The following WNK1 variants were observed in gnomAD, a reference collection of about 807,000 sequenced individuals.
WNK1 encodes WNK lysine deficient protein kinase 1, also known as serine/threonine-protein kinase WNK1.
Under a neutral mutation model 222.8 loss-of-function variants are expected in WNK1, and 38 were observed. The observed-to-expected ratio is 0.17, with a 90% CI of 0.13 to 0.22. The LOEUF is 0.22. Among genes scored for constraint, WNK1 ranks in the 10% least tolerant of loss-of-function variants. The pLI is 1.00. For synonymous variants in WNK1, 1,090 were observed against 1,092.9 expected (o/e 1.00, Z 0.05); for missense variants, 2,348 against 2,918.4 (o/e 0.80, Z 4.50).
At chr12:790,296 G>T (rs1944712390) in intron 1 of WNK1, among the ~76,000 whole-genome samples, 1 of 152,074 alleles carries the variant, frequency 6.6e-6, no homozygotes, top group South Asian at 2.1e-4. Flanking sequence ...TAGGGATGGG[G>T]TCTTGCTATG....
rs13313205 is a variant in WNK1, at chr12:901,139, G to A, written c.6643+469G>A. Reference sequence around the variant, plus strand: ...TTTCCAAATATAGCTCTGTTTATTAGTGATTGCTGAAAAAATTCCCACAGA... The same window carrying A: ...TTTCCAAATATAGCTCTGTTTATTAATGATTGCTGAAAAAATTCCCACAGA... On this transcript the variant is annotated intron_variant, in intron 26 of 27. Coordinates refer to ENST00000315939, the MANE Select transcript of WNK1 (RefSeq NM_018979.4). The A allele has an allele frequency of 5.2e-3, 1,277 of 247,038 alleles. 14 individuals are homozygous for A. The highest frequency in any genetic ancestry group is 0.027 in the African/African-American group (1,203 of 44,408). 15.3% of individuals were successfully genotyped at this position (247,038 alleles called of 1,614,324 possible). A position where few individuals can be genotyped will look rare whatever the true frequency, so the allele number is the denominator to read the frequency against.
At chr12:832,114 C>T (rs191527772) in intron 4 of WNK1, among the ~76,000 whole-genome samples, 25 of 152,222 alleles carry the variant, frequency 1.6e-4, no homozygotes, top group Admixed American at 9.8e-4. Flanking sequence ...CTCGCTCTGT[C>T]GCCCAGGCTG....
chr12:844,207 C>T (rs1949847410), intron 4 of WNK1, among the ~76,000 whole-genome samples: 1 of 151,976 alleles, frequency 6.6e-6, no homozygotes, highest in African/African-American at 2.4e-5. Flanking sequence ...TCTTGGCTCC[C>T]TGCAACCTAC....
chr12:756,835 C>G (rs911507728), intron 1 of WNK1, among the ~76,000 whole-genome samples: 5 of 152,132 alleles, frequency 3.3e-5, no homozygotes. Context: ...ATTTCTGAAG[C>G]AAGACAGGAG....
At chr12:797,245 AT>A (rs1421593974) in intron 1 of WNK1, among the ~76,000 whole-genome samples, 1 of 152,024 alleles carries the variant, frequency 6.6e-6, no homozygotes, top group Non-Finnish European at 1.5e-5. Context: ...TCTTACTGTG[AT>A]TACTGTGTTC....
intron 1 of WNK1, among the ~76,000 whole-genome samples, chr12:776,426 G>GTA (rs1943103486): frequency 6.6e-6 from 1 of 151,264 alleles, no homozygotes; most frequent in Non-Finnish European, 1.5e-5. Context: ...GTGTGTGTGT[G>GTA]TGTGTGTGTG....
chr12:760,525 A>G (rs919684115), intron 1 of WNK1, among the ~76,000 whole-genome samples: 1 of 147,818 alleles, frequency 6.8e-6, no homozygotes, highest in African/African-American at 2.4e-5. Context: ...TAAGTGTTAT[A>G]TAAAATATAA....
chr12:897,267 T>G (rs1954835430), intron 24 of WNK1, among the ~76,000 whole-genome samples: 1 of 152,142 alleles, frequency 6.6e-6, no homozygotes, highest in East Asian at 1.9e-4. Context: ...ATCAACCATT[T>G]GTTGTTGGCT....
At chr12:882,791 T>C in intron 14 of WNK1, 152 bp from the exon 15 acceptor site, 1 of 647,112 alleles carries the variant, frequency 1.5e-6, no homozygotes, top group Admixed American at 2.6e-5. Context: ...TTGCTACCAG[T>C]TTAAGAGACA....
chr12:776,412 T>TGTGTGTG lies in WNK1; in HGVS notation c.759+22088_759+22089insGTGTGTG, dbSNP rs1555082817. 4.0e-3 allele frequency among the ~76,000 whole-genome samples: 579 copies of TGTGTGTG among 146,226 alleles called. 3 individuals carry two copies. The highest frequency in any genetic ancestry group is 6.6e-3 in the African/African-American group (260 of 39,630). ...CAGATCTCTGTGTGTGTTTGTGTGT[T>TGTGTGTG]TGTGTGTGTGTGTGTGTGTGTGTGT... On this transcript the variant is annotated intron_variant, in intron 1 of 27. Coordinates refer to ENST00000315939, the MANE Select transcript of WNK1 (RefSeq NM_018979.4).
At chr12:863,528 G>T (rs1951376942) in intron 8 of WNK1, among the ~76,000 whole-genome samples, 1 of 151,372 alleles carries the variant, frequency 6.6e-6, no homozygotes, top group Non-Finnish European at 1.5e-5. Flanking sequence ...TTTTTTTCTG[G>T]ATTATTATAA....
intron 2 of WNK1, among the ~76,000 whole-genome samples, chr12:822,469 G>A (rs932708539): frequency 1.3e-5 from 2 of 151,950 alleles, no homozygotes; most frequent in African/African-American, 4.8e-5. Context: ...CTTTTTAAAT[G>A]TATTTATTTT....
chr12:767,684 A>G (rs945006113), intron 1 of WNK1, among the ~76,000 whole-genome samples: 1 of 152,096 alleles, frequency 6.6e-6, no homozygotes, highest in African/African-American at 2.4e-5. Flanking sequence ...GGTGAGGGAA[A>G]CTTTTCAGCC....
intron 1 of WNK1, among the ~76,000 whole-genome samples, chr12:785,556 C>T (rs1224724711): frequency 1.3e-5 from 2 of 152,002 alleles, no homozygotes; most frequent in African/African-American, 2.4e-5. Flanking sequence ...CGCCACCACG[C>T]CCAGCTAATT....
chr12:819,429 A>G (rs1403778194), intron 2 of WNK1, among the ~76,000 whole-genome samples: 1 of 152,158 alleles, frequency 6.6e-6, no homozygotes, highest in Non-Finnish European at 1.5e-5. Context: ...AAGCCTCCCA[A>G]ATCTGAACTC....
intron 25 of WNK1, among the ~76,000 whole-genome samples, chr12:900,016 CTT>C (rs11433731): frequency 8.4e-5 from 10 of 119,634 alleles, no homozygotes; most frequent in East Asian, 2.4e-4. Flanking sequence ...GGATTCTTTT[CTT>C]TTTTTTTTTT....
chr12:783,643 A>ACAAAAC, intron 1 of WNK1, among the ~76,000 whole-genome samples: 1 of 90,352 alleles, frequency 1.1e-5, no homozygotes, highest in African/African-American at 4.8e-5. Flanking sequence ...CAAAAAAAAA[A>ACAAAAC]AAAAATTATC....
Position 851,757 on chromosome 12 carries a change from G to A in WNK1, c.1312-5404G>A, listed in dbSNP as rs367713942. ...ATCATAAATTCTCATTGCTGCTGCT[G>A]CCCTCAAAAGGATTGTATAAATGAG... is the stretch of plus-strand genomic sequence containing the variant. On this transcript the variant is annotated intron_variant, in intron 4 of 27. Transcript: ENST00000315939. 4.5e-6 allele frequency: 6 copies of A among 1,346,490 alleles called. No individual in the cohort carries two copies. In the African/African-American group the frequency reaches 8.9e-5, roughly 20 times the overall value. 83.4% of individuals were successfully genotyped at this position (1,346,490 alleles called of 1,614,324 possible).
intron 19 of WNK1, 150 bp from the exon 20 acceptor site, chr12:887,071 A>AGAG: frequency 1.3e-6 from 1 of 754,140 alleles, no homozygotes; most frequent in Non-Finnish European, 2.3e-6. Flanking sequence ...TTTAAGACAG[A>AGAG]TACCAGAGAG....
Sources: gnomAD v4.1 joint callset for allele counts (sites outside exome capture counted in the v4.1 genomes callset) on GRCh38, gnomAD v4.1.1 for gene constraint, MANE v1.5 for transcripts, NCBI Gene and HGNC (gene_info 2026-07-23, HGNC 2026-07-21) for gene names.